Variants in GPATCH1 observed in about 807,000 individuals in gnomAD.
GPATCH1 encodes the protein G-patch domain containing 1, also known as G patch domain-containing protein 1.
In GPATCH1, 73 loss-of-function variants were observed where a neutral mutation model predicts 114.9. That is an observed-to-expected ratio of 0.64 (90% CI 0.53 to 0.77). The LOEUF (loss-of-function observed/expected upper bound fraction) is 0.77. GPATCH1 is among the 30% of genes least tolerant of loss of function. The probability of loss-of-function intolerance (pLI) is 0.00; values close to 1 mark genes in which losing one functional copy is unlikely to be tolerated. For missense variants in GPATCH1, 1,058 were observed against 1,144.3 expected (o/e 0.92, Z 1.09); for synonymous variants, 391 against 428.4 (o/e 0.91, Z 1.08).
At chr19:33,111,964 A>C in intron 12 of GPATCH1, 62 bp downstream of exon 12, 1 of 1,345,048 alleles carries the variant, frequency 7.4e-7, no homozygotes, top group East Asian at 2.3e-5. Flanking sequence ...CCTAGCCAAA[A>C]TAGTTTTTTC....
chr19:33,118,956 C>CA, intron 16 of GPATCH1, 54 bp from the exon 17 acceptor site: 1 of 1,052,368 alleles, frequency 9.5e-7, no homozygotes, highest in South Asian at 1.4e-5. Context: ...ATGAAAGACT[C>CA]AGAGACATTA....
chr19:33,087,683 ATTT>A (rs147397881), intron 1 of GPATCH1, among the ~76,000 whole-genome samples: 4 of 138,018 alleles, frequency 2.9e-5, no homozygotes, highest in Non-Finnish European at 1.6e-5. Context: ...TGACATTATA[ATTT>A]TTTTTTTTTT....
chr19:33,119,664 C>G (rs188015810), intron 17 of GPATCH1, among the ~76,000 whole-genome samples: 2 of 149,230 alleles, frequency 1.3e-5, no homozygotes, highest in African/African-American at 5.0e-5. Context: ...CACCATTGCA[C>G]TCCAGCCCAG....
chr19:33,117,232 T>C (rs1972926216), intron 15 of GPATCH1, among the ~76,000 whole-genome samples: 1 of 152,104 alleles, frequency 6.6e-6, no homozygotes, highest in African/African-American at 2.4e-5. Flanking sequence ...CCTCTGTACA[T>C]AATGATGTGA....
intron 15 of GPATCH1, among the ~76,000 whole-genome samples, chr19:33,116,604 A>G (rs1308310442): frequency 6.6e-6 from 1 of 152,162 alleles, no homozygotes; most frequent in Non-Finnish European, 1.5e-5. Context: ...ATCTCAGCTC[A>G]CTGCAAGCTC....
chr19:33,104,841 TAAAGA>T (rs1305551317), intron 9 of GPATCH1, among the ~76,000 whole-genome samples: 1 of 152,112 alleles, frequency 6.6e-6, no homozygotes, highest in Non-Finnish European at 1.5e-5. Flanking sequence ...AAAAAAATAG[TAAAGA>T]AAAGTCTAGA....
chr19:33,125,643 C>T (rs10405770), intron 18 of GPATCH1, among the ~76,000 whole-genome samples: 55,936 of 151,744 alleles, frequency 0.37, 11,792 homozygotes, highest in South Asian at 0.62. Flanking sequence ...CCCAAAGTGC[C>T]GCGATTACAG....
chr19:33,118,859 T>A, intron 16 of GPATCH1, 151 bp from the exon 17 acceptor site: 1 of 542,512 alleles, frequency 1.8e-6, no homozygotes, highest in Non-Finnish European at 3.3e-6. Flanking sequence ...AGCACCGGGG[T>A]CTGCGTGTTC....
chr19:33,103,235 T>G (rs1271451913), intron 9 of GPATCH1, among the ~76,000 whole-genome samples: 1 of 152,222 alleles, frequency 6.6e-6, no homozygotes, highest in Non-Finnish European at 1.5e-5. Context: ...TGTGCTTGTC[T>G]GGGACACGGG....
chr19:33,098,292 G>C (rs1972686882), intron 8 of GPATCH1, among the ~76,000 whole-genome samples: 1 of 152,214 alleles, frequency 6.6e-6, no homozygotes, highest in Admixed American at 6.5e-5. Flanking sequence ...CAGGGGACCA[G>C]GAGGCAGGTA....
chr19:33,083,507 G>A (rs1465742373), intron 1 of GPATCH1, among the ~76,000 whole-genome samples: 1 of 150,962 alleles, frequency 6.6e-6, no homozygotes, highest in Non-Finnish European at 1.5e-5. Context: ...CGATTCTCCT[G>A]CCTCAGCCTC....
At chr19:33,114,545 G>A in intron 15 of GPATCH1, 126 bp downstream of exon 15, 1 of 723,154 alleles carries the variant, frequency 1.4e-6, no homozygotes, top group Non-Finnish European at 2.2e-6. Flanking sequence ...CCCCTTAAAG[G>A]CCATTTGGCT....
chr19:33,097,321 A>C (rs1226759424), intron 7 of GPATCH1, among the ~76,000 whole-genome samples: 1 of 152,152 alleles, frequency 6.6e-6, no homozygotes, highest in Non-Finnish European at 1.5e-5. Context: ...TCCTTTCCGC[A>C]GAGAGTAGGA....
intron 10 of GPATCH1, among the ~76,000 whole-genome samples, chr19:33,109,413 T>C (rs10423965): frequency 1.3e-5 from 2 of 151,790 alleles, no homozygotes; most frequent in Non-Finnish European, 2.9e-5. Context: ...GGCTACTCGG[T>C]GGGGATGAGA....
intron 4 of GPATCH1, among the ~76,000 whole-genome samples, chr19:33,093,775 C>T (rs1972624318): frequency 6.6e-6 from 1 of 152,208 alleles, no homozygotes; most frequent in Admixed American, 6.5e-5. Flanking sequence ...TCTCCCACCA[C>T]CCCTCCAGAC....
At chr19:33,113,964 A>G (rs1369774243) in intron 14 of GPATCH1, 61 bp downstream of exon 14, 12 of 1,488,702 alleles carry the variant, frequency 8.1e-6, no homozygotes, top group Admixed American at 7.7e-5. Context: ...GCCTGTAGGA[A>G]GACAGAATTA....
At chr19:33,116,832 T>C (rs1972921500) in intron 15 of GPATCH1, among the ~76,000 whole-genome samples, 1 of 151,680 alleles carries the variant, frequency 6.6e-6, no homozygotes, top group Admixed American at 6.6e-5. Flanking sequence ...CATGGCCAAT[T>C]TTTTTTTAAA....
chr19:33,114,144 C>T, intron 14 of GPATCH1, 109 bp from the exon 15 acceptor site: 1 of 1,107,592 alleles, frequency 9.0e-7, no homozygotes, highest in Non-Finnish European at 1.3e-6. Flanking sequence ...TACACAGTGC[C>T]AGGCCCCTAG....
intron 8 of GPATCH1, among the ~76,000 whole-genome samples, chr19:33,098,280 G>A (rs1364681352): frequency 1.3e-5 from 2 of 152,234 alleles, no homozygotes; most frequent in Non-Finnish European, 2.9e-5. Context: ...AGAAGGTCAA[G>A]CCAGGGGACC....
Sources: gnomAD v4.1 joint callset for allele counts (sites outside exome capture counted in the v4.1 genomes callset) on GRCh38, gnomAD v4.1.1 for gene constraint, MANE v1.5 for transcripts, NCBI Gene and HGNC (gene_info 2026-07-23, HGNC 2026-07-21) for gene names.